The following ACACA variants were observed in gnomAD, a reference collection of about 807,000 sequenced individuals.
ACACA encodes acetyl-CoA carboxylase alpha, also known as acetyl-CoA carboxylase 1.
Under a neutral mutation model 296.1 loss-of-function variants are expected in ACACA, and 103 were observed. The observed-to-expected ratio is 0.35, with a 90% CI of 0.30 to 0.41. The LOEUF (loss-of-function observed/expected upper bound fraction) is 0.41. ACACA is among the 10% of genes least tolerant of loss of function. The pLI, the probability that ACACA is intolerant of heterozygous loss-of-function variation, is 1.00. For synonymous variants in ACACA, 953 were observed against 1,038.6 expected (o/e 0.92, Z 1.58); for missense variants, 1,554 against 2,989.7 (o/e 0.52, Z 11.20).
intron 41 of ACACA, among the ~76,000 whole-genome samples, chr17:37,173,386 C>G (rs569136145): frequency 3.4e-4 from 52 of 152,256 alleles, no homozygotes; most frequent in African/African-American, 1.2e-3. Flanking sequence ...TAAGAACTGT[C>G]AAAATGGATC....
chr17:37,275,453 G>A (rs906492713), intron 8 of ACACA, among the ~76,000 whole-genome samples: 5 of 131,920 alleles, frequency 3.8e-5, no homozygotes, highest in Non-Finnish European at 1.5e-5. Flanking sequence ...CCAAGATCAT[G>A]CCACTGCACT....
intron 3 of ACACA, among the ~76,000 whole-genome samples, chr17:37,296,295 T>C (rs2083322380): frequency 6.7e-6 from 1 of 148,902 alleles, no homozygotes; most frequent in African/African-American, 2.5e-5. Flanking sequence ...GGCAGATCTT[T>C]GGAGCCTTTT....
In ACACA at chr17:37,330,251, G is replaced by A; in HGVS notation, c.260C>T (p.Ser87Leu). Residue 87 changes from serine (S) to leucine (L), a missense_variant, in exon 3 of 56, where the codon TCA (serine) becomes TTA (leucine). By Grantham distance (145) the Ser-to-Leu change is moderately radical. Coordinates refer to ENST00000616317, the MANE Select transcript of ACACA (RefSeq NM_198834.3). The stretch of plus-strand genomic sequence containing the variant: ...TGTATCTGAGCCAACAGAAGCAGGT[G>A]ACAAGGAGCCCTCCTTCTCCTCCAG... The part of the protein sequence containing the change: ...DLLEEKEGSL[S>L]PASVGSDTLS... The A allele has an allele frequency of 6.2e-7, 1 of 1,614,228 alleles. No homozygotes were observed. The highest frequency in any genetic ancestry group is 8.5e-7 in the Non-Finnish European group (1 of 1,180,042).
intron 3 of ACACA, among the ~76,000 whole-genome samples, chr17:37,296,174 G>T (rs900257044): frequency 1.3e-5 from 2 of 152,106 alleles, no homozygotes; most frequent in Non-Finnish European, 2.9e-5. Context: ...TGTCATAACT[G>T]AAGTGCTTGT....
In ACACA at chr17:37,339,825, G is replaced by T; in HGVS notation, c.64C>A (p.Gln22Lys). Reference sequence around the variant, plus strand: ...TGACCTCTTATAATTCTTACTGTCTGAGTAGATATCCACTTCCAAAAAGAC... The same window carrying T: ...TGACCTCTTATAATTCTTACTGTCTTAGTAGATATCCACTTCCAAAAAGAC... ...ARSFWKWIST[Q>K]TVRIIRAVRA... The change falls in exon 2 of 56, where the codon CAG (glutamine) becomes AAG (lysine). Residue 22 changes from glutamine (Q) to lysine (K), a missense_variant. Physicochemically the swap from Gln to Lys is moderately conservative, Grantham distance 53. Coordinates refer to ENST00000616317, the MANE Select transcript of ACACA (RefSeq NM_198834.3). 1.4e-6 allele frequency: 2 copies of T among 1,386,594 alleles called. No homozygotes were observed. The highest frequency in any genetic ancestry group is 2.0e-6 in the Non-Finnish European group (2 of 982,354). The allele number at this position is 1,386,594 out of a possible 1,614,324, so 85.9% of individuals were successfully genotyped here. A position where few individuals can be genotyped will look rare whatever the true frequency, so the allele number is the denominator to read the frequency against.
At chr17:37,121,033 C>T (rs2074502105) in intron 50 of ACACA, among the ~76,000 whole-genome samples, 1 of 151,996 alleles carries the variant, frequency 6.6e-6, no homozygotes, top group East Asian at 1.9e-4. Flanking sequence ...AAGTATATGC[C>T]CAGAAAAGAG....
At chr17:37,168,850 G>A (rs1413848047) in intron 41 of ACACA, among the ~76,000 whole-genome samples, 3 of 152,086 alleles carry the variant, frequency 2.0e-5, no homozygotes, top group African/African-American at 7.2e-5. Flanking sequence ...TGTTTTTCTG[G>A]TCTGATGGTT....
intron 52 of ACACA, among the ~76,000 whole-genome samples, chr17:37,109,025 C>T (rs1320479445): frequency 6.6e-6 from 1 of 152,090 alleles, no homozygotes; most frequent in Non-Finnish European, 1.5e-5. Flanking sequence ...ACTTTTTTGG[C>T]CTCAATTTCC....
intron 35 of ACACA, among the ~76,000 whole-genome samples, chr17:37,195,945 C>T (rs912142616): frequency 7.9e-5 from 12 of 151,992 alleles, no homozygotes; most frequent in Non-Finnish European, 1.6e-4. Flanking sequence ...TACCAAAAAA[C>T]AAAAGAATGC....
intron 1 of ACACA, among the ~76,000 whole-genome samples, chr17:37,396,902 T>G (rs546000363): frequency 7.2e-5 from 11 of 152,224 alleles, no homozygotes; most frequent in South Asian, 2.1e-4. Flanking sequence ...AGTAGTAGTA[T>G]TATACTTTAA....
chr17:37,130,257 A>G, intron 45 of ACACA, 39 bp from the exon 46 acceptor site: 1 of 1,612,166 alleles, frequency 6.2e-7, no homozygotes, highest in South Asian at 1.1e-5. Flanking sequence ...TTGTCTCTAT[A>G]GAAATAAAGG....
intron 1 of ACACA, among the ~76,000 whole-genome samples, chr17:37,380,460 C>T (rs2050198005): frequency 1.3e-5 from 2 of 152,078 alleles, no homozygotes; most frequent in Non-Finnish European, 2.9e-5. Flanking sequence ...GAATTATCCT[C>T]CCCTTGGGCA....
At chr17:37,375,517 T>C (rs1047777003) in intron 1 of ACACA, among the ~76,000 whole-genome samples, 1 of 151,850 alleles carries the variant, frequency 6.6e-6, no homozygotes, top group African/African-American at 2.4e-5. Flanking sequence ...GGTTCAGGAC[T>C]CTCAATTTAT....
At chr17:37,291,907 C>T (rs1262391436) in intron 3 of ACACA, among the ~76,000 whole-genome samples, 1 of 151,658 alleles carries the variant, frequency 6.6e-6, no homozygotes, top group African/African-American at 2.4e-5. Flanking sequence ...AAAGGCAGTG[C>T]CTTTTAGGAG....
rs777796063 is a variant in ACACA at position 37,151,428 on chromosome 17, G to A, written c.5448-7C>T. The stretch of plus-strand genomic sequence containing the variant: ...AATATCTGTTATCTTGTACCTATTG[G>A]ATATGGCCATGTCAAATTATGAATG... On this transcript the variant is annotated splice_polypyrimidine_tract_variant and splice_region_variant and intron_variant, in intron 43 of 55. Coordinates refer to ENST00000616317, the MANE Select transcript of ACACA (RefSeq NM_198834.3). 6.2e-7 allele frequency: 1 copy of A among 1,613,326 alleles called. No homozygotes were observed. Among genetic ancestry groups the A allele is most frequent in the Non-Finnish European group, 8.5e-7 (1 of 1,179,770 alleles).
intron 41 of ACACA, among the ~76,000 whole-genome samples, chr17:37,166,573 C>A (rs994771997): frequency 1.3e-5 from 2 of 152,222 alleles, no homozygotes; most frequent in Admixed American, 1.3e-4. Context: ...CAATAGCTAT[C>A]ATAATAACTA....
chr17:37,388,506 AC>A (rs956848127), intron 1 of ACACA, among the ~76,000 whole-genome samples: 5 of 147,276 alleles, frequency 3.4e-5, no homozygotes, highest in African/African-American at 1.2e-4. Flanking sequence ...TCACCCTCAC[AC>A]CCCCTCCAGC....
intron 41 of ACACA, among the ~76,000 whole-genome samples, chr17:37,176,006 T>A (rs548817368): frequency 6.6e-6 from 1 of 152,214 alleles, no homozygotes; most frequent in South Asian, 2.1e-4. Context: ...CCTCCTCAAA[T>A]GGCAAAGAAG....
chr17:37,390,316 A>AT lies in ACACA; in HGVS notation c.38+15945dup, dbSNP rs1555672312. Among the ~76,000 whole-genome samples, 10 of 50,630 alleles carry AT rather than the reference A, an allele frequency of 2.0e-4. 2 individuals are homozygous for AT. Among genetic ancestry groups the AT allele is most frequent in the African/African-American group, 1.0e-3 (9 of 8,674 alleles). 33.2% of individuals were successfully genotyped at this position (50,630 alleles called of 152,430 possible). On this transcript the variant is annotated intron_variant, in intron 1 of 55. Coordinates refer to ENST00000616317, the MANE Select transcript of ACACA (RefSeq NM_198834.3). The stretch of plus-strand genomic sequence containing the variant: ...ATATTATACATAATTATATATATAT[A>AT]TATATATATATATATATAAAAGGCC...
Sources: allele counts gnomAD v4.1 joint callset (sites outside exome capture counted in the v4.1 genomes callset), GRCh38; gene constraint gnomAD v4.1.1; transcripts MANE v1.5; gene names NCBI Gene and HGNC (gene_info 2026-07-23, HGNC 2026-07-21).